The following DNAI7 variants were observed in gnomAD, a reference collection of about 807,000 sequenced individuals.
DNAI7 encodes dynein axonemal intermediate chain 7, also known as cancer susceptibility 1.
In DNAI7, 78 loss-of-function variants were observed where a neutral mutation model predicts 86.6. That is an observed-to-expected ratio of 0.90 (90% CI 0.75 to 1.09). The LOEUF is 1.09. Among genes scored for constraint, DNAI7 ranks in the 50% least tolerant of loss-of-function variants. DNAI7 has a pLI of 0.00. For missense variants in DNAI7, 753 were observed against 810.2 expected (o/e 0.93, Z 0.86); for synonymous variants, 274 against 273.0 (o/e 1.00, Z -0.04).
intron 12 of DNAI7, 44 bp from the exon 13 acceptor site, chr12:25,114,914 C>G (rs1406965684): frequency 7.0e-7 from 1 of 1,435,348 alleles, no homozygotes; most frequent in African/African-American, 1.4e-5. Context: ...CATTTTTTCC[C>G]TATTAAAAAA....
intron 9 of DNAI7, among the ~76,000 whole-genome samples, chr12:25,124,749 T>C (rs141587697): frequency 9.6e-4 from 146 of 152,248 alleles, no homozygotes; most frequent in South Asian, 8.7e-3. Context: ...CAATAGTTAT[T>C]TTTCTGCTCC....
intron 9 of DNAI7, among the ~76,000 whole-genome samples, chr12:25,124,615 A>C (rs997822589): frequency 6.6e-6 from 1 of 152,072 alleles, no homozygotes; most frequent in Admixed American, 6.6e-5. Context: ...GTTTGAACTA[A>C]ATTTTTTTTT....
intron 2 of DNAI7, among the ~76,000 whole-genome samples, chr12:25,173,879 A>ACGC (rs1948425690): frequency 6.8e-6 from 1 of 146,374 alleles, no homozygotes; most frequent in African/African-American, 2.5e-5. Context: ...ATATATATAT[A>ACGC]CACATCATTC....
At chr12:25,190,655 T>C (rs924154206) in intron 1 of DNAI7, 24 bp from the exon 2 acceptor site, 3 of 1,358,148 alleles carry the variant, frequency 2.2e-6, no homozygotes, top group Non-Finnish European at 3.0e-6. Context: ...AACAAAAGAA[T>C]TGATCAATTT....
chr12:25,120,716 C>T (rs911840627), intron 11 of DNAI7, among the ~76,000 whole-genome samples: 1 of 152,088 alleles, frequency 6.6e-6, no homozygotes, highest in Non-Finnish European at 1.5e-5. Flanking sequence ...AAGAGCGAGA[C>T]TCCGTCTCAA....
chr12:25,165,580 G>A (rs1243172184), intron 2 of DNAI7, among the ~76,000 whole-genome samples: 5 of 151,244 alleles, frequency 3.3e-5, no homozygotes, highest in Non-Finnish European at 7.3e-5. Context: ...AAGGCTCTCT[G>A]ACTGACTCCT....
chr12:25,188,817 A>C (rs1297986938), intron 2 of DNAI7, among the ~76,000 whole-genome samples: 1 of 152,230 alleles, frequency 6.6e-6, no homozygotes, highest in Non-Finnish European at 1.5e-5. Flanking sequence ...GTACCAAGGT[A>C]ATTTAAAACA....
chr12:25,190,361 C>G (rs538988142), intron 2 of DNAI7, among the ~76,000 whole-genome samples: 3 of 152,076 alleles, frequency 2.0e-5, no homozygotes, highest in Non-Finnish European at 2.9e-5. Context: ...AGCCCCAAAT[C>G]TAGACATAAG....
chr12:25,158,998 C>T (rs1417020008), intron 3 of DNAI7, among the ~76,000 whole-genome samples: 1 of 152,196 alleles, frequency 6.6e-6, no homozygotes, highest in African/African-American at 2.4e-5. Flanking sequence ...AGACTGAAAA[C>T]CAGTTCAACC....
At chr12:25,112,309 G>A (rs1475181866) in intron 13 of DNAI7, among the ~76,000 whole-genome samples, 8 of 151,198 alleles carry the variant, frequency 5.3e-5, no homozygotes, top group Admixed American at 1.3e-4. Flanking sequence ...TTTCACATCC[G>A]TAAAAGTTAA....
At chr12:25,142,696 GTTCT>G (rs1402928326) in intron 9 of DNAI7, among the ~76,000 whole-genome samples, 1 of 152,048 alleles carries the variant, frequency 6.6e-6, no homozygotes, top group Non-Finnish European at 1.5e-5. Flanking sequence ...ATACTGATAG[GTTCT>G]TTGTTTTCAG....
At chr12:25,179,586 T>C (rs538300939) in intron 2 of DNAI7, among the ~76,000 whole-genome samples, 31 of 152,194 alleles carry the variant, frequency 2.0e-4, no homozygotes, top group East Asian at 7.7e-4. Flanking sequence ...TAGATTTCCT[T>C]GGCTAATCAA....
At chr12:25,110,814 A>T (rs972711418) in intron 14 of DNAI7, among the ~76,000 whole-genome samples, 14 of 152,076 alleles carry the variant, frequency 9.2e-5, no homozygotes, top group African/African-American at 3.1e-4. Flanking sequence ...TTATTTTTTT[A>T]AATGTTTTCC....
intron 2 of DNAI7, among the ~76,000 whole-genome samples, chr12:25,177,455 A>G (rs1592663106): frequency 6.6e-6 from 1 of 152,248 alleles, no homozygotes; most frequent in Non-Finnish European, 1.5e-5. Flanking sequence ...TTCTTTAGAT[A>G]TACATTATGG....
chr12:25,155,636 G>A (rs1270469397), intron 4 of DNAI7, among the ~76,000 whole-genome samples: 1 of 152,178 alleles, frequency 6.6e-6, no homozygotes, highest in Non-Finnish European at 1.5e-5. Context: ...TGGGATCTGT[G>A]AGGTCAAATC....
intron 9 of DNAI7, among the ~76,000 whole-genome samples, chr12:25,131,165 C>T (rs58179101): frequency 2.0e-5 from 3 of 147,320 alleles, no homozygotes; most frequent in African/African-American, 7.4e-5. Flanking sequence ...TACCCCCAAC[C>T]AAAAAAAAAA....
intron 2 of DNAI7, among the ~76,000 whole-genome samples, chr12:25,188,616 G>T (rs1406698716): frequency 2.0e-5 from 3 of 148,188 alleles, no homozygotes; most frequent in Admixed American, 1.4e-4. Flanking sequence ...GAAGGTTGCA[G>T]TAAGCCAAGA....
intron 2 of DNAI7, among the ~76,000 whole-genome samples, chr12:25,174,377 T>TATATGA (rs368509269): frequency 0.016 from 17 of 1,044 alleles, 6 homozygotes; most frequent in Admixed American, 0.041. Flanking sequence ...ATATGTTATA[T>TATATGA]CATATATATG....
intron 10 of DNAI7, among the ~76,000 whole-genome samples, chr12:25,122,785 T>C (rs1263330257): frequency 6.6e-6 from 1 of 152,198 alleles, no homozygotes; most frequent in Non-Finnish European, 1.5e-5. Flanking sequence ...ATTGTAGTAA[T>C]ACAAAATTAG....
Sources: allele counts gnomAD v4.1 joint callset (sites outside exome capture counted in the v4.1 genomes callset), GRCh38; gene constraint gnomAD v4.1.1; transcripts MANE v1.5; gene names NCBI Gene and HGNC (gene_info 2026-07-23, HGNC 2026-07-21).